SLC35F4: variants seen among roughly 807,000 people sequenced by gnomAD.
SLC35F4 encodes chromosome 14 open reading frame 36.
A neutral mutation model predicts 44.2 loss-of-function variants in SLC35F4; 24 were observed. The ratio of observed to expected loss-of-function variants is 0.54; its 90% CI spans 0.39 to 0.76. SLC35F4 has a LOEUF of 0.76. SLC35F4 is among the 30% of genes least tolerant of loss of function. SLC35F4 has a pLI of 0.00. For missense variants in SLC35F4, 562 were observed against 586.1 expected (o/e 0.96, Z 0.42); for synonymous variants, 238 against 223.6 (o/e 1.06, Z -0.57).
chr14:57,678,418 G>A (rs1359920705), intron 1 of SLC35F4, among the ~76,000 whole-genome samples: 1 of 152,002 alleles, frequency 6.6e-6, no homozygotes, highest in African/African-American at 2.4e-5. Flanking sequence ...GCAAAAACAT[G>A]CCAATTGTAA....
chr14:57,655,168 G>T (rs1202477666), intron 1 of SLC35F4, among the ~76,000 whole-genome samples: 1 of 152,034 alleles, frequency 6.6e-6, no homozygotes, highest in Non-Finnish European at 1.5e-5. Context: ...TTGTGGGTCT[G>T]TTTATTCTTT....
At chr14:57,740,311 G>C (rs1206432875) in intron 1 of SLC35F4, among the ~76,000 whole-genome samples, 1 of 152,084 alleles carries the variant, frequency 6.6e-6, no homozygotes, top group African/African-American at 2.4e-5. Flanking sequence ...AGTACTCACT[G>C]ACATAATTTG....
chr14:57,813,035 T>C (rs923513637), intron 1 of SLC35F4, among the ~76,000 whole-genome samples: 3 of 152,198 alleles, frequency 2.0e-5, no homozygotes, highest in African/African-American at 7.2e-5. Flanking sequence ...TAGTATGATA[T>C]GGGAGTATTA....
chr14:57,655,652 T>A (rs2073942328), intron 1 of SLC35F4, among the ~76,000 whole-genome samples: 1 of 152,072 alleles, frequency 6.6e-6, no homozygotes, highest in South Asian at 2.1e-4. Flanking sequence ...CTTCTAGGCC[T>A]CATAGTGCCA....
At chr14:57,627,037 G>GTTCC (rs2072514898) in intron 1 of SLC35F4, among the ~76,000 whole-genome samples, 1 of 152,080 alleles carries the variant, frequency 6.6e-6, no homozygotes, top group Non-Finnish European at 1.5e-5. Flanking sequence ...CTGGTCTATA[G>GTTCC]TAACTCCAAT....
At chr14:57,588,970 A>G (rs1398343941) in intron 3 of SLC35F4, among the ~76,000 whole-genome samples, 3 of 152,166 alleles carry the variant, frequency 2.0e-5, no homozygotes, top group African/African-American at 7.2e-5. Context: ...ACCACCTTAA[A>G]ATGTAAATGT....
At position 57,660,947 on chromosome 14, in the gene SLC35F4, T is replaced by C. The variant is rs368056505; in HGVS notation, c.104-66823A>G. Among the ~76,000 whole-genome samples, 10 of 152,356 alleles carry C rather than the reference T, an allele frequency of 6.6e-5. No individual in the cohort carries two copies. The East Asian group carries it at 1.7e-3, about 26-fold the overall frequency. On this transcript the variant is annotated intron_variant, in intron 1 of 7. Coordinates refer to ENST00000556826, the MANE Select transcript of SLC35F4 (RefSeq NM_001306087.2). Reference sequence around the variant, plus strand: ...TTGTAAGCTACATATTTTGGGATCATTTGTTAAGCAGTAGTAGAAAACTAA... The same window carrying C: ...TTGTAAGCTACATATTTTGGGATCACTTGTTAAGCAGTAGTAGAAAACTAA...
At chr14:57,742,295 C>A (rs1180109205) in intron 1 of SLC35F4, among the ~76,000 whole-genome samples, 3 of 152,154 alleles carry the variant, frequency 2.0e-5, no homozygotes, top group African/African-American at 7.2e-5. Flanking sequence ...GATAAAGAGT[C>A]AAGACCCATC....
intron 1 of SLC35F4, among the ~76,000 whole-genome samples, chr14:57,639,041 C>G (rs114924773): frequency 0.028 from 4,205 of 152,164 alleles, 87 homozygotes; most frequent in South Asian, 0.075. Context: ...CCCAATTTGA[C>G]TTAGGAGTCT....
intron 1 of SLC35F4, among the ~76,000 whole-genome samples, chr14:57,723,867 C>T (rs1265852836): frequency 6.6e-6 from 1 of 152,174 alleles, no homozygotes; most frequent in Non-Finnish European, 1.5e-5. Flanking sequence ...GTAGCAAACA[C>T]ACTGACCTTA....
At chr14:57,904,999 G>A (rs1889079474) in intron 1 of SLC35F4, among the ~76,000 whole-genome samples, 1 of 152,198 alleles carries the variant, frequency 6.6e-6, no homozygotes, top group African/African-American at 2.4e-5. Context: ...AAACTTAGTG[G>A]TATGTAACAA....
At chr14:57,767,710 GAATC>G (rs2077267991) in intron 1 of SLC35F4, among the ~76,000 whole-genome samples, 1 of 151,412 alleles carries the variant, frequency 6.6e-6, no homozygotes. Flanking sequence ...TAAATAATAA[GAATC>G]AATTGAAACA....
chr14:57,570,254 G>A (rs557482946), intron 5 of SLC35F4, among the ~76,000 whole-genome samples: 69 of 152,276 alleles, frequency 4.5e-4, no homozygotes, highest in Admixed American at 1.5e-3. Context: ...CATCAGTGAT[G>A]GGTATTGGGT....
chr14:57,894,479 C>T (rs1002656438), intron 1 of SLC35F4, among the ~76,000 whole-genome samples: 4 of 152,008 alleles, frequency 2.6e-5, no homozygotes, highest in African/African-American at 9.7e-5. Context: ...CTATTAGTAC[C>T]TAGTCACAGT....
At chr14:57,675,625 A>T (rs1274992664) in intron 1 of SLC35F4, among the ~76,000 whole-genome samples, 1 of 152,030 alleles carries the variant, frequency 6.6e-6, no homozygotes, top group Non-Finnish European at 1.5e-5. Flanking sequence ...GCTTTTCTCC[A>T]TTCAGTATGA....
intron 1 of SLC35F4, among the ~76,000 whole-genome samples, chr14:57,699,989 A>T (rs2075491391): frequency 6.6e-6 from 1 of 152,230 alleles, no homozygotes. Flanking sequence ...TTCCAGGATC[A>T]CCAGTGGATG....
intron 1 of SLC35F4, among the ~76,000 whole-genome samples, chr14:57,893,137 G>A (rs2141040226): frequency 6.6e-6 from 1 of 152,170 alleles, no homozygotes; most frequent in Non-Finnish European, 1.5e-5. Flanking sequence ...AAGCTCTATG[G>A]AAGGCCAACA....
chr14:57,933,285 A>G (rs996735394), intron 1 of SLC35F4, among the ~76,000 whole-genome samples: 7 of 151,744 alleles, frequency 4.6e-5, no homozygotes, highest in African/African-American at 1.5e-4. Context: ...GGCCTTCCAA[A>G]GTGCTGGGAT....
At chr14:57,814,917 A>G (rs1224960938) in intron 1 of SLC35F4, among the ~76,000 whole-genome samples, 1 of 152,230 alleles carries the variant, frequency 6.6e-6, no homozygotes, top group Non-Finnish European at 1.5e-5. Flanking sequence ...GCTTTGCCAG[A>G]TACAAACATC....
Sources: gnomAD v4.1 joint callset for allele counts (sites outside exome capture counted in the v4.1 genomes callset) on GRCh38, gnomAD v4.1.1 for gene constraint, MANE v1.5 for transcripts, NCBI Gene and HGNC (gene_info 2026-07-23, HGNC 2026-07-21) for gene names.